KCND2: variants seen among roughly 807,000 people sequenced by gnomAD.
KCND2 encodes the protein potassium voltage-gated channel subfamily D member 2.
A neutral mutation model predicts 54.4 loss-of-function variants in KCND2; 16 were observed. The observed-to-expected ratio is 0.29, with a 90% confidence interval of 0.20 to 0.45. KCND2 has a LOEUF of 0.45. KCND2 is among the 20% of genes least tolerant of loss of function. The probability of loss-of-function intolerance (pLI) is 1.00; values close to 1 mark genes in which losing one functional copy is unlikely to be tolerated. For synonymous variants in KCND2, 317 were observed against 310.7 expected (o/e 1.02, Z -0.21); for missense variants, 486 against 824.2 (o/e 0.59, Z 5.02).
chr7:120,279,257 G>A (rs912406339), intron 1 of KCND2, among the ~76,000 whole-genome samples: 5 of 151,768 alleles, frequency 3.3e-5, no homozygotes, highest in Non-Finnish European at 5.9e-5. Flanking sequence ...GGTACCAGGT[G>A]GCACATTAAA....
chr7:120,454,586 C>T (rs1017830335), intron 1 of KCND2, among the ~76,000 whole-genome samples: 9 of 152,080 alleles, frequency 5.9e-5, no homozygotes, highest in East Asian at 1.9e-4. Context: ...GAAAAAAATT[C>T]GGACCAGATG....
At chr7:120,737,199 T>C (rs1459148517) in intron 2 of KCND2, among the ~76,000 whole-genome samples, 1 of 151,920 alleles carries the variant, frequency 6.6e-6, no homozygotes, top group Non-Finnish European at 1.5e-5. Flanking sequence ...GATGCTGATA[T>C]TGCTGTTTGG....
chr7:120,747,555 T>A, intron 5 of KCND2, 126 bp from the exon 6 acceptor site: 2 of 674,300 alleles, frequency 3.0e-6, no homozygotes, highest in Non-Finnish European at 5.1e-6. Flanking sequence ...TTCATATTTT[T>A]AATTATAATA....
intron 1 of KCND2, among the ~76,000 whole-genome samples, chr7:120,682,071 C>T (rs1792146206): frequency 6.6e-6 from 1 of 152,040 alleles, no homozygotes; most frequent in Non-Finnish European, 1.5e-5. Flanking sequence ...TTTTCAAAAA[C>T]ATGCTCTCGA....
intron 1 of KCND2, among the ~76,000 whole-genome samples, chr7:120,363,354 C>A (rs1027499730): frequency 1.4e-4 from 21 of 151,984 alleles, no homozygotes; most frequent in African/African-American, 4.8e-4. Flanking sequence ...CACATATGCC[C>A]AAAACTAAAT....
chr7:120,627,785 A>T (rs969829720), intron 1 of KCND2, among the ~76,000 whole-genome samples: 2 of 151,882 alleles, frequency 1.3e-5, no homozygotes, highest in African/African-American at 4.8e-5. Context: ...AATAAATTAT[A>T]TAATTATGTA....
At chr7:120,473,684 A>G (rs1315461748) in intron 1 of KCND2, among the ~76,000 whole-genome samples, 1 of 152,182 alleles carries the variant, frequency 6.6e-6, no homozygotes, top group Non-Finnish European at 1.5e-5. Flanking sequence ...GGATAATGAG[A>G]AAAAAACAAA....
chr7:120,535,196 C>G (rs769564691), intron 1 of KCND2, among the ~76,000 whole-genome samples: 1 of 152,154 alleles, frequency 6.6e-6, no homozygotes, highest in Non-Finnish European at 1.5e-5. Context: ...ATTATTCCTT[C>G]TCACAAATAA....
chr7:120,464,619 C>A (rs1384254535), intron 1 of KCND2, among the ~76,000 whole-genome samples: 1 of 152,160 alleles, frequency 6.6e-6, no homozygotes, highest in Non-Finnish European at 1.5e-5. Context: ...TCTCAGAAAG[C>A]TAACAAAAAT....
At chr7:120,406,272 C>T (rs1027771073) in intron 1 of KCND2, among the ~76,000 whole-genome samples, 1 of 151,958 alleles carries the variant, frequency 6.6e-6, no homozygotes, top group African/African-American at 2.4e-5. Flanking sequence ...AAAATACACA[C>T]TTTTCTTCTA....
chr7:120,492,880 A>G (rs1802803697), intron 1 of KCND2, among the ~76,000 whole-genome samples: 1 of 152,132 alleles, frequency 6.6e-6, no homozygotes, highest in Admixed American at 6.6e-5. Context: ...AATTTATTGA[A>G]TACTGTTCTG....
chr7:120,286,614 CT>C (rs1182872320), intron 1 of KCND2, among the ~76,000 whole-genome samples: 1 of 151,842 alleles, frequency 6.6e-6, no homozygotes. Flanking sequence ...GAAATAATTA[CT>C]GAAGAGTTGT....
intron 1 of KCND2, among the ~76,000 whole-genome samples, chr7:120,698,753 C>T (rs924642521): frequency 1.3e-5 from 2 of 152,152 alleles, no homozygotes; most frequent in Non-Finnish European, 2.9e-5. Flanking sequence ...AGTTACCCCA[C>T]AAAAGGAATT....
At chr7:120,634,824 G>A (rs760176303) in intron 1 of KCND2, among the ~76,000 whole-genome samples, 1 of 152,106 alleles carries the variant, frequency 6.6e-6, no homozygotes, top group Non-Finnish European at 1.5e-5. Flanking sequence ...TCCTCACCTT[G>A]CAGGGTAGGG....
chr7:120,307,577 G>A (rs182533824), intron 1 of KCND2, among the ~76,000 whole-genome samples: 31 of 152,112 alleles, frequency 2.0e-4, no homozygotes, highest in East Asian at 7.7e-4. Flanking sequence ...AAATGAGACC[G>A]TCTTCTCAGT....
intron 1 of KCND2, among the ~76,000 whole-genome samples, chr7:120,629,791 G>C (rs1311026793): frequency 6.6e-6 from 1 of 152,098 alleles, no homozygotes; most frequent in Non-Finnish European, 1.5e-5. Flanking sequence ...GTGTGTGTGA[G>C]AGGGTGAGGA....
At chr7:120,596,197 T>G (rs1195246126) in intron 1 of KCND2, among the ~76,000 whole-genome samples, 1 of 152,184 alleles carries the variant, frequency 6.6e-6, no homozygotes, top group East Asian at 1.9e-4. Flanking sequence ...TTGTAAGAAC[T>G]CTTTTATAAT....
chr7:120,438,893 T>G (rs1320195427), intron 1 of KCND2, among the ~76,000 whole-genome samples: 1 of 152,130 alleles, frequency 6.6e-6, no homozygotes, highest in Non-Finnish European at 1.5e-5. Flanking sequence ...TTTAAGCAAA[T>G]TTTCCCATAA....
chr7:120,528,943 A>G lies in KCND2; in HGVS notation c.1116-203960A>G, dbSNP rs188451410. Among the ~76,000 whole-genome samples the G allele has an allele frequency of 1.8e-3, 270 of 152,328 alleles. 3 individuals carry two copies. Among genetic ancestry groups the G allele is most frequent in the Non-Finnish European group, 2.9e-3 (197 of 68,022 alleles). ...GCTTCCTACAGTTATTTTTTCTACTAGTAACTAATACATGATTAAAAGCTG... is the reference window on the plus strand; with the variant it reads ...GCTTCCTACAGTTATTTTTTCTACTGGTAACTAATACATGATTAAAAGCTG... On this transcript the variant is annotated intron_variant, in intron 1 of 5. Transcript: ENST00000331113.
Sources: allele counts gnomAD v4.1 joint callset (sites outside exome capture counted in the v4.1 genomes callset), GRCh38; gene constraint gnomAD v4.1.1; transcripts MANE v1.5; gene names NCBI Gene and HGNC (gene_info 2026-07-23, HGNC 2026-07-21).